The following WASHC3 variants were observed in gnomAD, a reference collection of about 807,000 sequenced individuals.
The protein encoded by WASHC3 is WASH complex subunit CCDC53.
Under a neutral mutation model 26.1 loss-of-function variants are expected in WASHC3, and 24 were observed. The ratio of observed to expected loss-of-function variants is 0.92; its 90% CI spans 0.66 to 1.29. WASHC3 has a LOEUF of 1.29. WASHC3 is among the 50% of genes most tolerant of loss of function. The pLI, the probability that WASHC3 is intolerant of heterozygous loss-of-function variation, is 0.00. For synonymous variants in WASHC3, 77 were observed against 75.7 expected (o/e 1.02, Z -0.09); for missense variants, 214 against 229.6 (o/e 0.93, Z 0.44).
chr12:102,023,805 G>C (rs1374373494), intron 6 of WASHC3, among the ~76,000 whole-genome samples: 1 of 152,180 alleles, frequency 6.6e-6, no homozygotes, highest in Non-Finnish European at 1.5e-5. Flanking sequence ...CAGCTTTTCT[G>C]TAAGACAATG....
chr12:102,040,099 C>T, intron 4 of WASHC3, 121 bp from the exon 5 acceptor site: 1 of 433,144 alleles, frequency 2.3e-6, no homozygotes, highest in Non-Finnish European at 4.2e-6. Flanking sequence ...AAATCATCTC[C>T]CCCAATTTAA....
intron 5 of WASHC3, among the ~76,000 whole-genome samples, chr12:102,037,886 C>G: frequency 6.6e-6 from 1 of 152,018 alleles, no homozygotes; most frequent in Non-Finnish European, 1.5e-5. Context: ...ACCTCCGCCT[C>G]CTGGGTTCAA....
chr12:102,061,807 G>A, intron 1 of WASHC3, 105 bp downstream of exon 1: 2 of 965,194 alleles, frequency 2.1e-6, no homozygotes, highest in Non-Finnish European at 3.1e-6. Context: ...AGGGCCCGAG[G>A]CCGTGACAGG....
At chr12:102,044,590 G>C (rs980520264) in intron 3 of WASHC3, among the ~76,000 whole-genome samples, 2 of 152,012 alleles carry the variant, frequency 1.3e-5, no homozygotes, top group African/African-American at 4.8e-5. Flanking sequence ...CATGTACCTA[G>C]AAAAGTTGTT....
In WASHC3 at chr12:102,026,032, G is replaced by T; in HGVS notation, c.442C>A (p.Pro148Thr). Residue 148 changes from proline to threonine, a missense_variant, in exon 6 of 7, where the codon CCA (proline) becomes ACA (threonine). By Grantham distance (38) the Pro-to-Thr change is conservative. Transcript: ENST00000240079. ...RYLKMVQVGV[P>T]VMAIRNKMIS... ...ATTTTGTTTCTTATTGCCATCACTG[G>T]TACACCCTAAGCAAAGGATATAAGA... The T allele has an allele frequency of 6.5e-7, 1 of 1,536,070 alleles. No homozygotes were observed. Among genetic ancestry groups the T allele is most frequent in the Non-Finnish European group, 8.9e-7 (1 of 1,128,226 alleles).
Position 102,020,884 on chromosome 12 carries a change from C to G in WASHC3, c.500+5090G>C, listed in dbSNP as rs146697032. Among the ~76,000 whole-genome samples, 1,065 of 152,252 alleles carry G rather than the reference C, an allele frequency of 7.0e-3. 10 individuals are homozygous for G. The highest frequency in any genetic ancestry group is 0.023 in the African/African-American group (947 of 41,538). On this transcript the variant is annotated intron_variant, in intron 6 of 6. Coordinates refer to ENST00000240079, the MANE Select transcript of WASHC3 (RefSeq NM_016053.4). ...ATCACCTGAGGTGAGGAGTTCGAGA[C>G]CAGTCTGGCCAACATGGTGAAACCC...
chr12:102,050,549 G>A (rs1233008322), intron 2 of WASHC3: 1 of 451,946 alleles, frequency 2.2e-6, no homozygotes. Flanking sequence ...AGGCTGAGGT[G>A]GGAGGATCAC....
At chr12:102,017,628 C>T (rs1594346266) in intron 6 of WASHC3, 1 of 312,108 alleles carries the variant, frequency 3.2e-6, no homozygotes, top group East Asian at 1.0e-4. Context: ...GAGATTAGAA[C>T]ATCTAGCAGG....
chr12:102,059,431 A>T (rs1878719508), intron 2 of WASHC3, among the ~76,000 whole-genome samples: 2 of 152,224 alleles, frequency 1.3e-5, no homozygotes, highest in African/African-American at 4.8e-5. Context: ...AGTTCAAAGA[A>T]GTACTAGAAT....
intron 5 of WASHC3, among the ~76,000 whole-genome samples, chr12:102,034,995 C>G (rs1002952584): frequency 1.3e-5 from 2 of 151,972 alleles, no homozygotes; most frequent in Non-Finnish European, 2.9e-5. Flanking sequence ...TATGGAAATT[C>G]TTGAACATGA....
chr12:102,018,171 A>C (rs1164911634), intron 6 of WASHC3, among the ~76,000 whole-genome samples: 1 of 152,208 alleles, frequency 6.6e-6, no homozygotes, highest in African/African-American at 2.4e-5. Context: ...GTAATATTCC[A>C]CCGTATGTAT....
intron 5 of WASHC3, among the ~76,000 whole-genome samples, chr12:102,033,673 TAGGATTAGATATTGTTGGTATAA>T (rs1266700388): frequency 1.3e-5 from 2 of 151,952 alleles, no homozygotes; most frequent in East Asian, 1.9e-4. Context: ...CTTAAGATCT[TAGGATTAGATATTGTTGGTATAA>T]AGGATTAGAT....
At chr12:102,034,781 AGTGTGTGTGTGTGT>A (rs60815635) in intron 5 of WASHC3, among the ~76,000 whole-genome samples, 3 of 146,170 alleles carry the variant, frequency 2.1e-5, no homozygotes, top group Admixed American at 6.8e-5. Flanking sequence ...CCTAAAAAAA[AGTGTGTGTGTGTGT>A]GTGTGTGTGT....
At chr12:102,047,738 CA>C (rs1011139495) in intron 2 of WASHC3, among the ~76,000 whole-genome samples, 2 of 151,798 alleles carry the variant, frequency 1.3e-5, no homozygotes, top group African/African-American at 4.8e-5. Flanking sequence ...CAAAAGGAAA[CA>C]AAAAAATGGA....
intron 1 of WASHC3, 72 bp from the exon 2 acceptor site, chr12:102,061,418 C>CATAA: frequency 1.0e-6 from 1 of 992,642 alleles, no homozygotes; most frequent in Non-Finnish European, 1.6e-6. Flanking sequence ...CATATTTGGA[C>CATAA]ATAATCACGA....
At chr12:102,015,556 AGT>A (rs138094726) in intron 6 of WASHC3, among the ~76,000 whole-genome samples, 21,970 of 152,132 alleles carry the variant, frequency 0.14, 1,719 homozygotes, top group Non-Finnish European at 0.18. Flanking sequence ...ATAAATGTAA[AGT>A]GTGTTCGATA....
chr12:102,047,309 G>T (rs527547043), intron 2 of WASHC3, among the ~76,000 whole-genome samples: 1 of 152,250 alleles, frequency 6.6e-6, no homozygotes, highest in East Asian at 1.9e-4. Context: ...CCTGTGAAAT[G>T]GTCACTTTGC....
intron 5 of WASHC3, among the ~76,000 whole-genome samples, chr12:102,038,880 A>G (rs1262017933): frequency 1.3e-5 from 2 of 152,152 alleles, no homozygotes; most frequent in East Asian, 3.9e-4. Flanking sequence ...CATGGACAGC[A>G]AAACAAAACT....
intron 5 of WASHC3, among the ~76,000 whole-genome samples, chr12:102,031,904 T>C (rs912266870): frequency 1.3e-5 from 2 of 152,234 alleles, no homozygotes; most frequent in Admixed American, 6.5e-5. Flanking sequence ...TGACTATACT[T>C]TGACTATACT....
Sources: allele counts gnomAD v4.1 joint callset (sites outside exome capture counted in the v4.1 genomes callset), GRCh38; gene constraint gnomAD v4.1.1; transcripts MANE v1.5; gene names NCBI Gene and HGNC (gene_info 2026-07-23, HGNC 2026-07-21).